KALRN: variants seen among roughly 807,000 people sequenced by gnomAD.
KALRN encodes kalirin RhoGEF kinase, also known as kalirin.
In KALRN, 70 loss-of-function variants were observed where a neutral mutation model predicts 353.7. That is an observed-to-expected ratio of 0.20 (90% CI 0.16 to 0.24). KALRN has a LOEUF of 0.24. Among genes scored for constraint, KALRN ranks in the 10% least tolerant of loss-of-function variants. The pLI is 1.00. For missense variants in KALRN, 2,791 were observed against 3,756.7 expected (o/e 0.74, Z 6.72); for synonymous variants, 1,391 against 1,434.8 (o/e 0.97, Z 0.69).
intron 54 of KALRN, 55 bp from the exon 55 acceptor site, chr3:124,697,538 G>A (rs2062111281): frequency 1.1e-5 from 16 of 1,514,178 alleles, no homozygotes; most frequent in African/African-American, 1.4e-5. Context: ...ATACCTTGGT[G>A]TAAAATGCCA....
chr3:124,533,396 C>A (rs747878443), intron 33 of KALRN, among the ~76,000 whole-genome samples: 2 of 152,124 alleles, frequency 1.3e-5, no homozygotes, highest in African/African-American at 2.4e-5. Context: ...AGTCCTAGCA[C>A]TTTGGTAAGC....
chr3:124,286,867 C>T (rs956653768), intron 5 of KALRN, among the ~76,000 whole-genome samples: 1 of 152,066 alleles, frequency 6.6e-6, no homozygotes, highest in Non-Finnish European at 1.5e-5. Context: ...TTTTCTCTGT[C>T]TCTTTATATA....
intron 6 of KALRN, among the ~76,000 whole-genome samples, chr3:124,308,134 A>G (rs2149280697): frequency 6.6e-6 from 1 of 152,186 alleles, no homozygotes; most frequent in East Asian, 1.9e-4. Context: ...AACTATAAGC[A>G]CATATACACC....
At chr3:124,408,953 C>A (rs182911400) in intron 13 of KALRN, among the ~76,000 whole-genome samples, 1 of 152,332 alleles carries the variant, frequency 6.6e-6, no homozygotes, top group East Asian at 1.9e-4. Context: ...CTAGCAGGAA[C>A]ACCTTGGGCT....
intron 1 of KALRN, among the ~76,000 whole-genome samples, chr3:124,222,428 C>T (rs1014446563): frequency 2.0e-5 from 3 of 152,082 alleles, no homozygotes; most frequent in Non-Finnish European, 4.4e-5. Flanking sequence ...ATGGTAGGGG[C>T]CAGAGGGGTG....
chr3:124,584,991 G>A, intron 34 of KALRN: 1 of 1,262,810 alleles, frequency 7.9e-7, no homozygotes, highest in Non-Finnish European at 1.1e-6. Flanking sequence ...GGAGGGAAGG[G>A]TTGGGGAGGC....
At chr3:124,510,974 C>T (rs1361264824) in intron 33 of KALRN, among the ~76,000 whole-genome samples, 1 of 152,096 alleles carries the variant, frequency 6.6e-6, no homozygotes, top group Non-Finnish European at 1.5e-5. Context: ...TGAGTACCTA[C>T]TAGGTGCTAA....
intron 48 of KALRN, 97 bp from the exon 49 acceptor site, chr3:124,674,267 G>A (rs1404615051): frequency 8.0e-7 from 1 of 1,246,646 alleles, no homozygotes; most frequent in Non-Finnish European, 1.1e-6. Context: ...CCTGCTAGTG[G>A]GAGATTTGGC....
At chr3:124,071,772 C>T (rs1408295571) in intron 1 of KALRN, among the ~76,000 whole-genome samples, 1 of 152,156 alleles carries the variant, frequency 6.6e-6, no homozygotes, top group Non-Finnish European at 1.5e-5. Flanking sequence ...CATTAAGTTT[C>T]AACATCTAAA....
chr3:124,099,912 C>T lies in KALRN; in HGVS notation c.73+66099C>T, dbSNP rs142565939. 9.5e-3 allele frequency among the ~76,000 whole-genome samples: 1,443 copies of T among 152,214 alleles called. 23 individuals are homozygous for T. Among genetic ancestry groups the T allele is most frequent in the African/African-American group, 0.033 (1,362 of 41,520 alleles). On this transcript the variant is annotated intron_variant, in intron 1 of 59. Coordinates refer to ENST00000682506, the MANE Select transcript of KALRN (RefSeq NM_001388419.1). ...GGTGCAGTGGCTCATGCCTGTAATT[C>T]CAGCACTTTGGGAGGCCAAGGCAGG... is the stretch of plus-strand genomic sequence containing the variant.
chr3:124,090,438 A>G (rs2061049137), intron 1 of KALRN, among the ~76,000 whole-genome samples: 1 of 152,206 alleles, frequency 6.6e-6, no homozygotes, highest in Admixed American at 6.5e-5. Flanking sequence ...ATTTAAAGCC[A>G]TTGTACAGAT....
intron 11 of KALRN, among the ~76,000 whole-genome samples, chr3:124,389,251 C>A: frequency 6.6e-6 from 1 of 152,006 alleles, no homozygotes; most frequent in Admixed American, 6.5e-5. Flanking sequence ...GAATGAAAGC[C>A]CCTTTTGTAG....
intron 33 of KALRN, among the ~76,000 whole-genome samples, chr3:124,548,165 A>G (rs1474513586): frequency 1.3e-5 from 2 of 152,298 alleles, no homozygotes; most frequent in East Asian, 3.9e-4. Flanking sequence ...CTCTCTAGCT[A>G]CCAAACTCAT....
intron 1 of KALRN, among the ~76,000 whole-genome samples, chr3:124,122,685 TTAA>T (rs1308179868): frequency 6.6e-6 from 1 of 152,160 alleles, no homozygotes; most frequent in African/African-American, 2.4e-5. Context: ...AACTGCAAAC[TTAA>T]TAATTGTGTG....
intron 3 of KALRN, among the ~76,000 whole-genome samples, chr3:124,253,260 T>A (rs1432324599): frequency 1.3e-5 from 2 of 152,294 alleles, no homozygotes; most frequent in East Asian, 3.9e-4. Flanking sequence ...CTGGCACAAA[T>A]GGGTCAGGAG....
chr3:124,277,244 G>A (rs2074840332), intron 5 of KALRN, among the ~76,000 whole-genome samples: 1 of 152,178 alleles, frequency 6.6e-6, no homozygotes, highest in Non-Finnish European at 1.5e-5. Flanking sequence ...TGACCTTCGG[G>A]TTGGCCAGAA....
chr3:124,097,845 C>T (rs1017424365), intron 1 of KALRN, among the ~76,000 whole-genome samples: 1 of 152,164 alleles, frequency 6.6e-6, no homozygotes, highest in African/African-American at 2.4e-5. Context: ...GATTTATTCT[C>T]CTTAATAATA....
chr3:124,037,452 T>A (rs916067088), intron 1 of KALRN, among the ~76,000 whole-genome samples: 2 of 152,054 alleles, frequency 1.3e-5, no homozygotes, highest in African/African-American at 2.4e-5. Flanking sequence ...TGGGGCAGGG[T>A]CAAATAGGGA....
At chr3:124,507,307 T>C (rs1437089966) in intron 33 of KALRN, among the ~76,000 whole-genome samples, 1 of 152,128 alleles carries the variant, frequency 6.6e-6, no homozygotes, top group Non-Finnish European at 1.5e-5. Context: ...ATTTAAAAAA[T>C]TCTTTAAAAA....
Sources: allele counts gnomAD v4.1 joint callset (sites outside exome capture counted in the v4.1 genomes callset), GRCh38; gene constraint gnomAD v4.1.1; transcripts MANE v1.5; gene names NCBI Gene and HGNC (gene_info 2026-07-23, HGNC 2026-07-21).